Variants in C2orf80 observed in about 807,000 individuals in gnomAD.
C2orf80 encodes the protein uncharacterized protein C2orf80.
In C2orf80, 28 loss-of-function variants were observed where a neutral mutation model predicts 30.2. The ratio of observed to expected loss-of-function variants is 0.93; its 90% CI spans 0.69 to 1.27. The LOEUF (loss-of-function observed/expected upper bound fraction) is 1.27. Ranked by LOEUF, C2orf80 falls within the 50% of genes most tolerant of loss-of-function variation. The pLI is 0.00. For missense variants in C2orf80, 220 were observed against 231.0 expected (o/e 0.95, Z 0.31); for synonymous variants, 80 against 76.4 (o/e 1.05, Z -0.24).
At chr2:208,180,942 G>A (rs1228653260) in intron 5 of C2orf80, 126 bp from the exon 6 acceptor site, 1 of 746,190 alleles carries the variant, frequency 1.3e-6, no homozygotes, top group Non-Finnish European at 2.2e-6. Context: ...ATTAAATACA[G>A]TAAATAACTT....
At chr2:208,184,872 G>T (rs80047823) in intron 3 of C2orf80, 79 bp downstream of exon 3, 37,299 of 1,179,534 alleles carry the variant, frequency 0.032, 745 homozygotes, top group Non-Finnish European at 0.04. Flanking sequence ...CTTGTTTATT[G>T]TATAAATAAG....
At chr2:208,173,134 A>C (rs1696158040) in intron 6 of C2orf80, among the ~76,000 whole-genome samples, 1 of 151,444 alleles carries the variant, frequency 6.6e-6, no homozygotes, top group African/African-American at 2.4e-5. Flanking sequence ...AAAAAAAAAA[A>C]AAAAAAAAAA....
At chr2:208,173,230 A>G (rs1021435421) in intron 6 of C2orf80, among the ~76,000 whole-genome samples, 13 of 152,022 alleles carry the variant, frequency 8.6e-5, no homozygotes, top group Non-Finnish European at 4.4e-5. Context: ...AAGAAACTAT[A>G]GCTATGTTAG....
At chr2:208,180,866 C>A (rs1473094143) in intron 5 of C2orf80, 50 bp from the exon 6 acceptor site, 1 of 1,507,518 alleles carries the variant, frequency 6.6e-7, no homozygotes, top group Non-Finnish European at 9.2e-7. Flanking sequence ...CATGGCTTTT[C>A]TTTTATTATA....
At chr2:208,165,935 G>C (rs979035735) in intron 8 of C2orf80, 120 bp from the exon 9 acceptor site, 5 of 603,586 alleles carry the variant, frequency 8.3e-6, no homozygotes, top group Admixed American at 5.9e-5. Context: ...GACAAAGATA[G>C]ATTAGATTAA....
At chr2:208,176,972 T>TATATGTATACATATGTATACAG (rs1696359512) in intron 6 of C2orf80, among the ~76,000 whole-genome samples, 2 of 48,484 alleles carry the variant, frequency 4.1e-5, no homozygotes, top group African/African-American at 1.3e-4. Context: ...TATGTATACA[T>TATATGTATACATATGTATACAG]ATATACAGAA....
chr2:208,179,739 G>A (rs1181685471), intron 6 of C2orf80, among the ~76,000 whole-genome samples: 4 of 150,178 alleles, frequency 2.7e-5, no homozygotes, highest in African/African-American at 7.4e-5. Context: ...ATGGAGGCCC[G>A]AAAGGGGAAA....
intron 1 of C2orf80, 21 bp downstream of exon 1, chr2:208,189,932 T>G (rs1696827705): frequency 4.3e-6 from 3 of 702,750 alleles, no homozygotes; most frequent in Non-Finnish European, 7.8e-6. Context: ...CTTAACAAAT[T>G]CCCCTTTGAG....
chr2:208,179,957 C>T (rs568844629), intron 6 of C2orf80, among the ~76,000 whole-genome samples: 212 of 152,166 alleles, frequency 1.4e-3, no homozygotes, highest in African/African-American at 4.9e-3. Context: ...TTGAGACCAG[C>T]AGTGAGACCC....
In C2orf80 at chr2:208,167,864, T is replaced by C. The variant is rs554976881; in HGVS notation, c.574-2049A>G. Among the ~76,000 whole-genome samples, 19 of 143,924 alleles carry C rather than the reference T, an allele frequency of 1.3e-4. No individual in the cohort carries two copies. The South Asian group carries it at 4.4e-3, about 33-fold the overall frequency. The allele number at this position is 143,924 out of a possible 152,430, so 94.4% of individuals were successfully genotyped here. A position where few individuals can be genotyped will look rare whatever the true frequency, so the allele number is the denominator to read the frequency against. On this transcript the variant is annotated intron_variant, in intron 8 of 8. Coordinates refer to ENST00000341287, the MANE Select transcript of C2orf80 (RefSeq NM_001099334.3). The stretch of plus-strand genomic sequence containing the variant: ...GTGCTGGAATTATAGGCATGAGCCA[T>C]CGTGCCTGGCTGTGATTTTTTTTTT...
intron 6 of C2orf80, among the ~76,000 whole-genome samples, chr2:208,178,109 C>G (rs189068643): frequency 4.6e-5 from 7 of 152,260 alleles, no homozygotes; most frequent in Admixed American, 4.6e-4. Flanking sequence ...TGAGCTACCG[C>G]GCCCAGCCTT....
At chr2:208,177,130 TATAC>T (rs1696379681) in intron 6 of C2orf80, among the ~76,000 whole-genome samples, 1 of 147,092 alleles carries the variant, frequency 6.8e-6, no homozygotes, top group African/African-American at 2.5e-5. Context: ...ATTTTATATA[TATAC>T]ATACATATAT....
chr2:208,176,723 T>C (rs1274933655), intron 6 of C2orf80, among the ~76,000 whole-genome samples: 2 of 151,812 alleles, frequency 1.3e-5, no homozygotes, highest in East Asian at 3.9e-4. Context: ...AAATTGAGAA[T>C]TACAGAGGTT....
Position 208,186,956 on chromosome 2 carries a change from T to C in C2orf80, c.31A>G (p.Lys11Glu), listed in dbSNP as rs1251935415. Residue 11 changes from lysine (K) to glutamate (E), a missense_variant, in exon 2 of 9, where the codon AAA (lysine) becomes GAA (glutamate). Coordinates refer to ENST00000341287, the MANE Select transcript of C2orf80 (RefSeq NM_001099334.3). ...CTCAGTCATACTTACAAGAGCTTTT[T>C]CATTTCCTTCTTTATGAGCCTTCTT... MERRLIKKEMKKLLGDYIGIR... is the reference protein window; with the variant it reads MERRLIKKEMEKLLGDYIGIR... 19 of 1,613,956 alleles carry C rather than the reference T, an allele frequency of 1.2e-5. No individual in the cohort carries two copies. The highest frequency in any genetic ancestry group is 1.6e-5 in the Non-Finnish European group (19 of 1,179,880).
At position 208,182,982 on chromosome 2, in the gene C2orf80, C is replaced by G. The variant is rs1696605913; in HGVS notation, c.189G>C (p.Trp63Cys). The change falls in exon 4 of 9, where the codon TGG becomes TGC. Residue 63 changes from tryptophan (W) to cysteine (C), a missense_variant. Coordinates refer to ENST00000341287, the MANE Select transcript of C2orf80 (RefSeq NM_001099334.3). ...CAACTTACAGTTCCTCCCACTCCAG[C>G]CAAGTTAAGTCTTCTGAGGGATCCA... ...QWLDPSEDLT[W>C]LEWEELKIPL... is the part of the protein sequence containing the mutation. 2 of 1,613,788 alleles carry G rather than the reference C, an allele frequency of 1.2e-6. No individual in the cohort carries two copies. The highest frequency in any genetic ancestry group is 2.7e-5 in the African/African-American group (2 of 75,036).
At chr2:208,169,006 G>A (rs1028263198) in intron 8 of C2orf80, among the ~76,000 whole-genome samples, 1 of 151,316 alleles carries the variant, frequency 6.6e-6, no homozygotes, top group African/African-American at 2.4e-5. Context: ...AATCTCTGCT[G>A]CCTGCGAAGT....
intron 7 of C2orf80, 113 bp from the exon 8 acceptor site, chr2:208,171,176 C>CAAA: frequency 1.3e-6 from 1 of 743,040 alleles, no homozygotes; most frequent in Non-Finnish European, 2.3e-6. Context: ...GACAGGGTCT[C>CAAA]ACTTTGTCAC....
intron 1 of C2orf80, among the ~76,000 whole-genome samples, chr2:208,188,927 G>C (rs779958362): frequency 1.5e-4 from 23 of 152,144 alleles, no homozygotes; most frequent in Non-Finnish European, 2.9e-4. Flanking sequence ...AAGCCATAGA[G>C]GTGGCCCTAT....
At chr2:208,179,703 CT>C (rs76655685) in intron 6 of C2orf80, among the ~76,000 whole-genome samples, 67,005 of 146,876 alleles carry the variant, frequency 0.46, 17,865 homozygotes, top group Non-Finnish European at 0.61. Context: ...TCAGAACACC[CT>C]TTTTTTTTTT....
Sources: gnomAD v4.1 joint callset for allele counts (sites outside exome capture counted in the v4.1 genomes callset) on GRCh38, gnomAD v4.1.1 for gene constraint, MANE v1.5 for transcripts, NCBI Gene and HGNC (gene_info 2026-07-23, HGNC 2026-07-21) for gene names.